The following LGSN variants were observed in gnomAD, a reference collection of about 807,000 sequenced individuals.
LGSN encodes lengsin, lens protein with glutamine synthetase domain, also known as lengsin.
Under a neutral mutation model 19.5 loss-of-function variants are expected in LGSN, and 21 were observed. The ratio of observed to expected loss-of-function variants is 1.07; its 90% confidence interval spans 0.76 to 1.55. The LOEUF is 1.55. Ranked by LOEUF, LGSN falls within the 40% of genes most tolerant of loss-of-function variation. The probability of loss-of-function intolerance (pLI) is 0.00; values close to 1 mark genes in which losing one functional copy is unlikely to be tolerated. For synonymous variants in LGSN, 257 were observed against 215.6 expected, an observed-to-expected ratio of 1.19 and a Z score of -1.68; for missense variants, 673 against 608.5, an observed-to-expected ratio of 1.11 and a Z score of -1.12.
chr6:63,556,118 C>T, the LGSN span, among the ~76,000 whole-genome samples: 1 of 152,182 alleles, frequency 6.6e-6, no homozygotes, highest in Non-Finnish European at 1.5e-5. Context: ...ATCTAAGAAT[C>T]TAATCACCCT....
intron 1 of LGSN, among the ~76,000 whole-genome samples, chr6:63,318,903 C>T (rs952246217): frequency 6.6e-6 from 1 of 152,128 alleles, no homozygotes; most frequent in African/African-American, 2.4e-5. Flanking sequence ...TTCTATAAGC[C>T]TTCCTTTGCA....
chr6:63,320,256 G>A (rs1346695614), upstream of LGSN, among the ~76,000 whole-genome samples: 1 of 152,060 alleles, frequency 6.6e-6, no homozygotes, highest in African/African-American at 2.4e-5. Flanking sequence ...CAGAATTTTT[G>A]TTACATAACA....
intron 2 of LGSN, among the ~76,000 whole-genome samples, chr6:63,289,318 G>A (rs561593540): frequency 2.2e-4 from 33 of 152,216 alleles, no homozygotes; most frequent in Non-Finnish European, 2.2e-4. Flanking sequence ...ATATGAGAAC[G>A]CTATCCAATC....
the LGSN span, among the ~76,000 whole-genome samples, chr6:63,497,083 T>C: frequency 1.3e-5 from 2 of 151,974 alleles, no homozygotes; most frequent in African/African-American, 4.8e-5. Flanking sequence ...GCAATCCTCC[T>C]GCCTCAGCCT....
the LGSN span, among the ~76,000 whole-genome samples, chr6:63,455,708 C>T: frequency 3.3e-5 from 5 of 151,798 alleles, no homozygotes; most frequent in Non-Finnish European, 7.4e-5. Flanking sequence ...GAGCTGAGAT[C>T]GCATCATTGC....
chr6:63,357,676 GTTGT>G, the LGSN span, among the ~76,000 whole-genome samples: 7 of 152,114 alleles, frequency 4.6e-5, no homozygotes, highest in African/African-American at 1.4e-4. Context: ...TGTTGATGGG[GTTGT>G]TTGTTTTTTT....
At chr6:63,335,764 A>T in the LGSN span, among the ~76,000 whole-genome samples, 9 of 143,020 alleles carry the variant, frequency 6.3e-5, no homozygotes, top group South Asian at 6.3e-4. Flanking sequence ...GAAGTTTCTT[A>T]AAAAAAAAAT....
At chr6:63,458,007 G>A in the LGSN span, among the ~76,000 whole-genome samples, 2 of 151,764 alleles carry the variant, frequency 1.3e-5, no homozygotes, top group African/African-American at 4.8e-5. Context: ...ACAAGGTCAA[G>A]CTATTATTTT....
the LGSN span, among the ~76,000 whole-genome samples, chr6:63,470,428 C>T: frequency 4.0e-5 from 6 of 150,872 alleles, no homozygotes; most frequent in Admixed American, 1.3e-4. Flanking sequence ...GAGCAGAGAT[C>T]GCACCACTGC....
the LGSN span, among the ~76,000 whole-genome samples, chr6:63,402,537 G>T: frequency 1.3e-5 from 2 of 152,120 alleles, no homozygotes; most frequent in Non-Finnish European, 2.9e-5. Context: ...AGGGACTTTG[G>T]TCAGGAAGTG....
chr6:63,551,178 G>A, the LGSN span, among the ~76,000 whole-genome samples: 8 of 152,046 alleles, frequency 5.3e-5, no homozygotes, highest in East Asian at 5.8e-4. Flanking sequence ...TGATTCTCCT[G>A]CCTCAGCCTC....
At chr6:63,459,399 T>C in the LGSN span, among the ~76,000 whole-genome samples, 7 of 152,184 alleles carry the variant, frequency 4.6e-5, no homozygotes, top group Non-Finnish European at 7.3e-5. Context: ...ATTGTACTTT[T>C]TTGAATTTTA....
chr6:63,314,614 T>C (rs1422139940), intron 1 of LGSN, among the ~76,000 whole-genome samples: 2 of 152,208 alleles, frequency 1.3e-5, no homozygotes, highest in African/African-American at 2.4e-5. Context: ...TGGCAGAATT[T>C]CAATCTAAAA....
At chr6:63,503,422 A>G in the LGSN span, among the ~76,000 whole-genome samples, 1 of 152,214 alleles carries the variant, frequency 6.6e-6, no homozygotes, top group African/African-American at 2.4e-5. Flanking sequence ...GTGGTCCAGG[A>G]TCTGGAGATC....
At chr6:63,558,198 A>G in the LGSN span, among the ~76,000 whole-genome samples, 1 of 152,130 alleles carries the variant, frequency 6.6e-6, no homozygotes, top group Non-Finnish European at 1.5e-5. Context: ...TGCAGGGTGG[A>G]TTAAATGGGA....
chr6:63,486,254 C>T, the LGSN span, among the ~76,000 whole-genome samples: 27 of 152,234 alleles, frequency 1.8e-4, no homozygotes, highest in South Asian at 5.4e-3. Flanking sequence ...ATGGACTCTC[C>T]TACAAAGTTG....
chr6:63,458,580 C>T, the LGSN span, among the ~76,000 whole-genome samples: 1 of 151,990 alleles, frequency 6.6e-6, no homozygotes, highest in African/African-American at 2.4e-5. Flanking sequence ...GGTCCTAGGA[C>T]CCAGCTAAGG....
At chr6:63,310,867 T>G (rs867398755) in intron 1 of LGSN, among the ~76,000 whole-genome samples, 1 of 152,324 alleles carries the variant, frequency 6.6e-6, no homozygotes, top group Admixed American at 6.5e-5. Flanking sequence ...AGGAGCATCA[T>G]CGTGGTGAAG....
chr6:63,413,675 A>G, the LGSN span, among the ~76,000 whole-genome samples: 2 of 152,210 alleles, frequency 1.3e-5, no homozygotes, highest in African/African-American at 2.4e-5. Flanking sequence ...TATTGCACAA[A>G]GGTTGTGACA....
Sources: gnomAD v4.1 joint callset for allele counts (sites outside exome capture counted in the v4.1 genomes callset) on GRCh38, gnomAD v4.1.1 for gene constraint, MANE v1.5 for transcripts, NCBI Gene and HGNC (gene_info 2026-07-23, HGNC 2026-07-21) for gene names.